DNAH2: variants seen among roughly 807,000 people sequenced by gnomAD.
DNAH2 encodes axonemal beta dynein heavy chain 2.
A neutral mutation model predicts 523.5 loss-of-function variants in DNAH2; 323 were observed. The observed-to-expected ratio is 0.62, with a 90% CI of 0.56 to 0.68. The LOEUF (loss-of-function observed/expected upper bound fraction) is 0.68, where lower values mean the gene tolerates loss of function less well. Ranked by LOEUF, DNAH2 falls within the 30% of genes least tolerant of loss-of-function variation. DNAH2 has a pLI of 0.00. For synonymous variants in DNAH2, 2,093 were observed against 2,177.4 expected (o/e 0.96, Z 1.08); for missense variants, 4,907 against 5,701.5 (o/e 0.86, Z 4.49).
At chr17:7,720,102 C>T (rs2074555247) in intron 2 of DNAH2, among the ~76,000 whole-genome samples, 1 of 152,160 alleles carries the variant, frequency 6.6e-6, no homozygotes, top group Admixed American at 6.5e-5. Context: ...CAGCCTCATC[C>T]TTGTTCTTTC....
intron 1 of DNAH2, among the ~76,000 whole-genome samples, chr17:7,719,374 C>T (rs1194084064): frequency 6.6e-6 from 1 of 152,096 alleles, no homozygotes; most frequent in Non-Finnish European, 1.5e-5. Context: ...GGTGATCCAC[C>T]CGGCTCGGCC....
chr17:7,740,759 G>A (rs1178577884), intron 10 of DNAH2, 51 bp from the exon 11 acceptor site: 2 of 1,576,030 alleles, frequency 1.3e-6, no homozygotes, highest in South Asian at 1.2e-5. Flanking sequence ...AGTGACCGGA[G>A]GGAACCCGCC....
intron 55 of DNAH2, 66 bp from the exon 56 acceptor site, chr17:7,799,037 C>A: frequency 1.3e-6 from 2 of 1,585,002 alleles, no homozygotes; most frequent in Non-Finnish European, 1.7e-6. Context: ...CCCCACCTGA[C>A]CCGCTGCCCC....
intron 63 of DNAH2, among the ~76,000 whole-genome samples, chr17:7,815,146 G>A (rs1457271453): frequency 1.3e-5 from 2 of 152,226 alleles, no homozygotes; most frequent in Middle Eastern, 3.2e-3. Context: ...ATCTTCTGGA[G>A]AGTGATCTCT....
In DNAH2 at chr17:7,830,389, G is replaced by A; in HGVS notation, c.11943G>A (p.Leu3981=). Residue 3981 remains leucine, a synonymous_variant, in exon 78 of 86, where the codon CTG becomes CTA. Coordinates refer to ENST00000572933, the MANE Select transcript of DNAH2 (RefSeq NM_020877.5). ...RCSKPAKYKK[L]LFSLCFFHSV... Reference sequence around the variant, plus strand: ...CCAAACCTGCCAAATATAAGAAGCTGCTGTTTTCACTCTGTTTCTTCCACT... The same window carrying A: ...CCAAACCTGCCAAATATAAGAAGCTACTGTTTTCACTCTGTTTCTTCCACT... 1 of 1,614,236 alleles carries A rather than the reference G, an allele frequency of 6.2e-7. No individual in the cohort carries two copies. Among genetic ancestry groups the A allele is most frequent in the Non-Finnish European group, 8.5e-7 (1 of 1,180,054 alleles).
intron 64 of DNAH2, 77 bp downstream of exon 64, chr17:7,816,812 G>A (rs1567747058): frequency 1.2e-5 from 19 of 1,552,938 alleles, no homozygotes; most frequent in African/African-American, 6.8e-5. Context: ...TTAGCTTGAG[G>A]AGCAGTCAGG....
intron 30 of DNAH2, among the ~76,000 whole-genome samples, chr17:7,775,713 A>G (rs1165117365): frequency 1.3e-4 from 20 of 151,504 alleles, no homozygotes; most frequent in Admixed American, 1.2e-3. Flanking sequence ...AAGAAAAAAA[A>G]AAAAAAAGAA....
chr17:7,766,640 CTTTTTTTT>C (rs58072098), intron 22 of DNAH2, among the ~76,000 whole-genome samples, 159 bp downstream of exon 22: 72 of 84,452 alleles, frequency 8.5e-4, no homozygotes, highest in South Asian at 1.6e-3. Context: ...AAAATTAATC[CTTTTTTTT>C]TTTTTTTTTT....
intron 39 of DNAH2, among the ~76,000 whole-genome samples, chr17:7,783,305 G>A (rs1174140009): frequency 6.6e-6 from 1 of 151,968 alleles, no homozygotes; most frequent in Non-Finnish European, 1.5e-5. Flanking sequence ...TCGAACTCCC[G>A]ACCTCAGGTG....
chr17:7,767,574 T>C (rs2076203120), intron 22 of DNAH2, among the ~76,000 whole-genome samples: 1 of 151,500 alleles, frequency 6.6e-6, no homozygotes, highest in Admixed American at 6.6e-5. Flanking sequence ...CAAGTCTCCC[T>C]ATTTCTCCAT....
At position 7,757,247 on chromosome 17, in the gene DNAH2, C is replaced by G. The variant is rs1295465735; in HGVS notation, c.2051+10C>G. The G allele has an allele frequency of 2.9e-5, 46 of 1,613,642 alleles. No homozygotes were observed. The highest frequency in any genetic ancestry group is 3.7e-5 in the Non-Finnish European group (44 of 1,179,672). On this transcript the variant is annotated intron_variant, in intron 13 of 85. Transcript: ENST00000572933. The stretch of plus-strand genomic sequence containing the variant: ...CTAGAGACTACAATAGGTAGGGCTT[C>G]AGTCCTCACTGCAGCCCTTCAAGAT...
In DNAH2 at chr17:7,764,184, C is replaced by G; in HGVS notation, c.3247C>G (p.His1083Asp). Residue 1083 changes from histidine to aspartate, a missense_variant, in exon 20 of 86, where the codon CAC (histidine) becomes GAC (aspartate). Around this residue, in one of 3 missense-constraint regions of DNAH2, gnomAD observed 2,806 missense variants for 3,190.8 expected, o/e 0.88. Transcript: ENST00000572933. ...VSLQLVDALK[H>D]DLANVETQIP... Reference sequence around the variant, plus strand: ...CTTGCAGCTCGTGGATGCCCTGAAGCACGACTTGGCCAACGTGGAGACTCA... The same window carrying G: ...CTTGCAGCTCGTGGATGCCCTGAAGGACGACTTGGCCAACGTGGAGACTCA... 1 of 1,614,192 alleles carries G rather than the reference C, an allele frequency of 6.2e-7. No homozygotes were observed. The highest frequency in any genetic ancestry group is 8.5e-7 in the Non-Finnish European group (1 of 1,180,034).
Position 7,770,599 on chromosome 17 carries a change from G to A in DNAH2, c.4141G>A (p.Asp1381Asn), listed in dbSNP as rs753249758. The A allele has an allele frequency of 1.1e-5, 17 of 1,614,100 alleles. No homozygotes were observed. The highest frequency in any genetic ancestry group is 3.3e-5 in the South Asian group (3 of 91,056). The stretch of plus-strand genomic sequence containing the variant: ...CAAGACCTGGGATGTGACTCAGCTC[G>A]ACATAGTACCCTACAAGGATAAGGG... ...IAKTWDVTQLDIVPYKDKGHH... is the reference protein window; with the variant it reads ...IAKTWDVTQLNIVPYKDKGHH... The change falls in exon 26 of 86, where the codon GAC becomes AAC. Residue 1381 changes from aspartate to asparagine, a missense_variant. Asp to Asn is a conservative substitution (Grantham distance 23). This residue lies in a region of DNAH2 where 2,806 missense variants were observed against 3,190.8 expected (regional missense o/e 0.88). Coordinates refer to ENST00000572933, the MANE Select transcript of DNAH2 (RefSeq NM_020877.5).
chr17:7,779,324 A>C lies in DNAH2; in HGVS notation c.5623A>C (p.Ile1875Leu), dbSNP rs761938017. 6.2e-7 allele frequency: 1 copy of C among 1,614,150 alleles called. No homozygotes were observed. The highest frequency in any genetic ancestry group is 1.1e-5 in the South Asian group (1 of 91,080). The change falls in exon 36 of 86, where the codon ATC (isoleucine) becomes CTC (leucine). Residue 1875 changes from isoleucine (I) to leucine (L), a missense_variant. Physicochemically the swap from Ile to Leu is conservative, Grantham distance 5. Coordinates refer to ENST00000572933, the MANE Select transcript of DNAH2 (RefSeq NM_020877.5). ...LSVVAHQILC[I>L]LSALAAGLTH... Reference sequence around the variant, plus strand: ...AGTGGTGGCCCACCAGATCCTGTGCATCCTGTCTGCCCTGGCTGCCGGCCT... The same window carrying C: ...AGTGGTGGCCCACCAGATCCTGTGCCTCCTGTCTGCCCTGGCTGCCGGCCT...
At position 7,818,899 on chromosome 17, in the gene DNAH2, G is replaced by A; in HGVS notation, c.10671-20G>A. The A allele has an allele frequency of 1.2e-6, 2 of 1,608,952 alleles. No homozygotes were observed. The highest frequency in any genetic ancestry group is 1.7e-6 in the Non-Finnish European group (2 of 1,176,908). On this transcript the variant is annotated intron_variant, in intron 70 of 85. Coordinates refer to ENST00000572933, the MANE Select transcript of DNAH2 (RefSeq NM_020877.5). ...GTCCCGCTAACCCCTTGCTCCATGT[G>A]CCTCTGGGCCTCCCCCTAGGCTGCT... is the stretch of plus-strand genomic sequence containing the variant.
In DNAH2 at chr17:7,740,819, C is replaced by T. The variant is rs527569928; in HGVS notation, c.1516C>T (p.Arg506Trp). ...TCCTCTTCTTCCCTAGGCTATCAAG[C>T]GGACTTATGACAAGAAGGCGGTGGA... ...HRLASREAIK[R>W]TYDKKAVDLY... is the part of the protein sequence containing the mutation. Residue 506 changes from arginine to tryptophan, a missense_variant, in exon 11 of 86, where the codon CGG becomes TGG. Coordinates refer to ENST00000572933, the MANE Select transcript of DNAH2 (RefSeq NM_020877.5). The T allele has an allele frequency of 1.9e-6, 3 of 1,606,764 alleles. No individual in the cohort carries two copies. The highest frequency in any genetic ancestry group is 2.2e-5 in the South Asian group (2 of 90,908).
At position 7,833,184 on chromosome 17, in the gene DNAH2, C is replaced by A; in HGVS notation, c.13092C>A (p.His4364Gln). ...MQLVCLMPTI[H>Q]FRPAESRKKS... The stretch of plus-strand genomic sequence containing the variant: ...TTGTCTGCCTCATGCCCACGATCCA[C>A]TTCCGGCCTGCAGAGAGCCGCAAGA... Residue 4364 changes from histidine (H) to glutamine (Q), a missense_variant, in exon 85 of 86, where the codon CAC (histidine) becomes CAA (glutamine). His to Gln is a conservative substitution (Grantham distance 24). This residue lies in a region of DNAH2 where 1,851 missense variants were observed against 2,139.4 expected (regional missense o/e 0.87). Coordinates refer to ENST00000572933, the MANE Select transcript of DNAH2 (RefSeq NM_020877.5). 6.2e-7 allele frequency: 1 copy of A among 1,608,772 alleles called. No homozygotes were observed. Among genetic ancestry groups the A allele is most frequent in the Non-Finnish European group, 8.5e-7 (1 of 1,180,004 alleles).
intron 14 of DNAH2, 39 bp from the exon 15 acceptor site, chr17:7,758,846 C>G: frequency 1.2e-6 from 2 of 1,609,288 alleles, no homozygotes; most frequent in Non-Finnish European, 1.7e-6. Context: ...ATGGTCTCTT[C>G]CCGAGCTGAA....
At chr17:7,759,962 C>G in intron 17 of DNAH2, 24 bp downstream of exon 17, 1 of 1,614,108 alleles carries the variant, frequency 6.2e-7, no homozygotes, top group Non-Finnish European at 8.5e-7. Context: ...GGGGAGGGCA[C>G]AAGGCACAGG....
Sources: allele counts gnomAD v4.1 joint callset (sites outside exome capture counted in the v4.1 genomes callset), GRCh38; gene constraint gnomAD v4.1.1; regional missense constraint gnomAD v4.1.1; transcripts MANE v1.5; gene names NCBI Gene and HGNC (gene_info 2026-07-23, HGNC 2026-07-21).